DNAAF9: variants seen among roughly 807,000 people sequenced by gnomAD.
DNAAF9 encodes the protein dynein axonemal assembly factor 9.
Under a neutral mutation model 167.0 loss-of-function variants are expected in DNAAF9, and 90 were observed. That is an observed-to-expected ratio of 0.54 (90% CI 0.45 to 0.64). The LOEUF is 0.64. Among genes scored for constraint, DNAAF9 ranks in the 30% least tolerant of loss-of-function variants. The pLI is 0.00. For synonymous variants in DNAAF9, 491 were observed against 508.8 expected (o/e 0.96, Z 0.47); for missense variants, 1,315 against 1,442.2 (o/e 0.91, Z 1.43).
At chr20:3,359,665 G>C in intron 6 of DNAAF9, 72 bp from the exon 7 acceptor site, 1 of 1,063,302 alleles carries the variant, frequency 9.4e-7, no homozygotes, top group Non-Finnish European at 1.4e-6. Flanking sequence ...ATTTTCTGAT[G>C]TTCAGAAATG....
Position 3,407,523 on chromosome 20 carries a change from G to C in DNAAF9, c.35C>G (p.Pro12Arg). Residue 12 changes from proline (P) to arginine (R), a missense_variant, in exon 1 of 37, where the codon CCC becomes CGC. Pro to Arg is a moderately radical substitution (Grantham distance 103). Coordinates refer to ENST00000252032, the MANE Select transcript of DNAAF9 (RefSeq NM_001009984.3). Reference sequence around the variant, plus strand: ...GGAGCCGCCAGGGGACCGAGCGCGGGGCAGCCCCTGCCGGCGCGGGGGGTA... The same window carrying C: ...GGAGCCGCCAGGGGACCGAGCGCGGCGCAGCCCCTGCCGGCGCGGGGGGTA... ...DVYPPRRQGLPRARSPGGSSR... is the reference protein window; with the variant it reads ...DVYPPRRQGLRRARSPGGSSR... 2 of 1,264,390 alleles carry C rather than the reference G, an allele frequency of 1.6e-6. No homozygotes were observed. The highest frequency in any genetic ancestry group is 2.0e-6 in the Non-Finnish European group (2 of 1,008,818). The allele number at this position is 1,264,390 out of a possible 1,614,324, so 78.3% of individuals were successfully genotyped here.
chr20:3,385,612 G>C (rs1329971072), intron 1 of DNAAF9, among the ~76,000 whole-genome samples: 1 of 152,132 alleles, frequency 6.6e-6, no homozygotes, highest in Non-Finnish European at 1.5e-5. Context: ...AAATTTTGGA[G>C]AGACAGGGTC....
chr20:3,264,283 GCAGCTGCCGGACAGGCAGGCCGTGC>G (rs2068445887), intron 31 of DNAAF9, among the ~76,000 whole-genome samples, 130 bp downstream of exon 31: 1 of 152,340 alleles, frequency 6.6e-6, no homozygotes, highest in East Asian at 1.9e-4. Context: ...GGCAAGGCCA[GCAGCTGCCGGACAGGCAGGCCGTGC>G]CAGCTGCCAT....
At chr20:3,340,703 A>G in intron 9 of DNAAF9, 64 bp from the exon 10 acceptor site, 1 of 1,516,786 alleles carries the variant, frequency 6.6e-7, no homozygotes, top group Non-Finnish European at 9.1e-7. Flanking sequence ...ACCTTCCATG[A>G]CCTTAATAAG....
intron 20 of DNAAF9, among the ~76,000 whole-genome samples, chr20:3,312,165 G>T (rs111578985): frequency 0.084 from 12,726 of 151,842 alleles, 1,084 homozygotes; most frequent in African/African-American, 0.22. Context: ...ATTTTGTAGT[G>T]TTAGTAGAGA....
chr20:3,291,873 T>G (rs572611719), intron 25 of DNAAF9, among the ~76,000 whole-genome samples: 1 of 152,242 alleles, frequency 6.6e-6, no homozygotes, highest in South Asian at 2.1e-4. Context: ...ACTCCATGTT[T>G]ATCCTCCTCC....
intron 4 of DNAAF9, 43 bp from the exon 5 acceptor site, chr20:3,375,169 T>C: frequency 1.8e-6 from 2 of 1,135,086 alleles, no homozygotes; most frequent in Non-Finnish European, 2.7e-6. Context: ...TGATGAGATA[T>C]CACACAAATT....
intron 20 of DNAAF9, among the ~76,000 whole-genome samples, chr20:3,311,987 T>TTTTTTTTCG (rs1336719683): frequency 1.9e-4 from 23 of 118,466 alleles, no homozygotes; most frequent in Non-Finnish European, 3.7e-5. Flanking sequence ...CTCTTTTTTC[T>TTTTTTTTCG]TTTTTTTCTT....
Position 3,282,393 on chromosome 20 carries a change from C to T in DNAAF9, c.2487-627G>A, listed in dbSNP as rs555197673. ...TATAACTAGAAGAGATCACTGCTTA[C>T]ACCCCCAAGCTCCCACTGGGTCCAA... On this transcript the variant is annotated intron_variant, in intron 27 of 36. Transcript: ENST00000252032. Among the ~76,000 whole-genome samples, 8 of 152,284 alleles carry T rather than the reference C, an allele frequency of 5.3e-5. No homozygotes were observed. In the East Asian group the frequency reaches 9.6e-4, roughly 18 times the overall value.
In DNAAF9 at chr20:3,293,764, G is replaced by A. The variant is rs554993016; in HGVS notation, c.2238+375C>T. ...ATTCCGGCAAGGCCTGAATAACATG[G>A]GTGCCCTTCCCTGTATTAAGTGCAA... On this transcript the variant is annotated intron_variant, in intron 25 of 36. Transcript: ENST00000252032. 2.6e-5 allele frequency among the ~76,000 whole-genome samples: 4 copies of A among 152,010 alleles called. No homozygotes were observed. In the South Asian group the frequency reaches 8.3e-4, roughly 32 times the overall value.
chr20:3,401,790 C>T (rs2123308101), intron 1 of DNAAF9, among the ~76,000 whole-genome samples: 1 of 152,268 alleles, frequency 6.6e-6, no homozygotes, highest in African/African-American at 2.4e-5. Flanking sequence ...TTCCCAATGA[C>T]CCTCTTGACA....
At chr20:3,301,159 T>G (rs569679062) in intron 21 of DNAAF9, among the ~76,000 whole-genome samples, 2 of 149,968 alleles carry the variant, frequency 1.3e-5, no homozygotes, top group Non-Finnish European at 3.0e-5. Flanking sequence ...CGACTTCAGG[T>G]ATACACCATC....
intron 31 of DNAAF9, among the ~76,000 whole-genome samples, chr20:3,262,284 C>T (rs866320994): frequency 2.9e-5 from 4 of 137,306 alleles, no homozygotes; most frequent in South Asian, 2.3e-4. Flanking sequence ...GAGTTTTGCT[C>T]TTGTTGCCCA....
At chr20:3,394,299 T>C (rs1390962668) in intron 1 of DNAAF9, among the ~76,000 whole-genome samples, 2 of 150,990 alleles carry the variant, frequency 1.3e-5, no homozygotes, top group African/African-American at 4.9e-5. Context: ...GATCATGCCA[T>C]TGCACTCCCG....
chr20:3,285,815 C>G (rs1180530796), intron 27 of DNAAF9, among the ~76,000 whole-genome samples: 1 of 150,478 alleles, frequency 6.6e-6, no homozygotes, highest in African/African-American at 2.4e-5. Flanking sequence ...CTGATCTCTA[C>G]TAAAAAATAC....
chr20:3,292,759 C>T (rs112840506), intron 25 of DNAAF9, among the ~76,000 whole-genome samples: 6,173 of 146,588 alleles, frequency 0.042, 183 homozygotes, highest in African/African-American at 0.085. Context: ...GAGCGAGACT[C>T]CATTTCAAAA....
chr20:3,350,120 A>C (rs569586326), intron 7 of DNAAF9, among the ~76,000 whole-genome samples: 5 of 141,800 alleles, frequency 3.5e-5, no homozygotes, highest in South Asian at 2.2e-4. Context: ...TGCCCAGACT[A>C]TCAGACACAC....
chr20:3,287,732 G>A lies in DNAAF9; in HGVS notation c.2386C>T (p.Gln796Ter), dbSNP rs1349268340. The A allele has an allele frequency of 6.2e-7, 1 of 1,614,196 alleles. No individual in the cohort carries two copies. The highest frequency in any genetic ancestry group is 8.5e-7 in the Non-Finnish European group (1 of 1,180,000). Residue 796 changes from glutamine (Q) to a stop codon, truncating the protein, a stop_gained, in exon 27 of 37, where the codon CAG (glutamine) becomes TAG (stop). Coordinates refer to ENST00000252032, the MANE Select transcript of DNAAF9 (RefSeq NM_001009984.3). LOFTEE classifies it high-confidence loss of function. The part of the protein sequence containing the change: ...SSECFHAAHF[Q>*]RYLSSALEAQ... ...TCTAGGGCACTGGAAAGGTATCTCTGGAAGTGTGCAGCATGAAAACATTCA... is the reference window on the plus strand; with the variant it reads ...TCTAGGGCACTGGAAAGGTATCTCTAGAAGTGTGCAGCATGAAAACATTCA...
At chr20:3,361,738 C>T in intron 6 of DNAAF9, 1 of 797,768 alleles carries the variant, frequency 1.3e-6, no homozygotes, top group Admixed American at 3.0e-5. Flanking sequence ...TTTACAGTAT[C>T]TTAACTTCCT....
Sources: gnomAD v4.1 joint callset for allele counts (sites outside exome capture counted in the v4.1 genomes callset) on GRCh38, gnomAD v4.1.1 for gene constraint, MANE v1.5 for transcripts, NCBI Gene and HGNC (gene_info 2026-07-23, HGNC 2026-07-21) for gene names.